PDZD7: variants seen among roughly 807,000 people sequenced by gnomAD.
The protein encoded by PDZD7 is PDZ domain containing 7.
PDZD7 carries 72 observed loss-of-function variants against 84.7 expected under a neutral mutation model. That is an observed-to-expected ratio of 0.85 (90% CI 0.70 to 1.03). PDZD7 has a LOEUF of 1.03. Among genes scored for constraint, PDZD7 ranks in the 50% least tolerant of loss-of-function variants. The pLI, the probability that PDZD7 is intolerant of heterozygous loss-of-function variation, is 0.00. For missense variants in PDZD7, 1,490 were observed against 1,412.9 expected, an observed-to-expected ratio of 1.05 and a Z score of -0.87; for synonymous variants, 594 against 580.7, an observed-to-expected ratio of 1.02 and a Z score of -0.33.
At chr10:101,010,128 C>G (rs1554890541) in intron 15 of PDZD7, 144 bp downstream of exon 15, 1 of 1,072,538 alleles carries the variant, frequency 9.3e-7, no homozygotes, top group Non-Finnish European at 1.3e-6. Context: ...CTCCTGACCT[C>G]AAGTGATCCG....
chr10:101,009,277 C>A lies in PDZD7; in HGVS notation c.2691G>T (p.Gly897=), dbSNP rs552903376. ...MVKIEKIFPG[G]AAFLSGALQA... ...GCAGGGCCCCACTGAGGAAAGCGGC[C>A]CCCCCAGGGAAGATCTTCTCTATCT... Residue 897 remains glycine, a synonymous_variant, in exon 16 of 17, where the codon GGG becomes GGT. Coordinates refer to ENST00000619208, the MANE Select transcript of PDZD7 (RefSeq NM_001195263.2). 1.3e-6 allele frequency: 2 copies of A among 1,535,906 alleles called. No individual in the cohort carries two copies. The highest frequency in any genetic ancestry group is 1.7e-6 in the Non-Finnish European group (2 of 1,146,778).
In PDZD7 at chr10:101,017,838, G is replaced by GGAAAGAAAGAAAGAAAGAAA. The variant is rs1202852543; in HGVS notation, c.1522+241_1522+260dup. Reference sequence around the variant, plus strand: ...GAAAGGAAAGAAAGGAAGGAAGGAAGGAAAGAAAGAAAGAAAGAAAGAAAG... The same window carrying GGAAAGAAAGAAAGAAAGAAA: ...GAAAGGAAAGAAAGGAAGGAAGGAAGGAAAGAAAGAAAGAAAGAAAGAAAGAAAGAAAGAAAGAAAGAAAG... On this transcript the variant is annotated intron_variant, in intron 9 of 16. Transcript: ENST00000619208. 2.3e-3 allele frequency: 395 copies of GGAAAGAAAGAAAGAAAGAAA among 169,360 alleles called. 4 individuals carry two copies. The highest frequency in any genetic ancestry group is 5.6e-3 in the Admixed American group (54 of 9,582). The allele number at this position is 169,360 out of a possible 1,614,324, so 10.5% of individuals were successfully genotyped here.
At chr10:101,010,958 GGCCTGTGAGA>G in intron 14 of PDZD7, 75 bp from the exon 15 acceptor site, 1 of 1,529,260 alleles carries the variant, frequency 6.5e-7, no homozygotes, top group Non-Finnish European at 8.7e-7. Flanking sequence ...GTTTGTGTGG[GGCCTGTGAGA>G]GCCAGGCCCG....
chr10:101,022,336 G>A lies in PDZD7; in HGVS notation c.592C>T (p.Pro198Ser), dbSNP rs756550515. The A allele has an allele frequency of 1.8e-5, 29 of 1,614,148 alleles. 2 individuals are homozygous for A. In the Middle Eastern group the frequency reaches 2.8e-3, roughly 156 times the overall value. ...RLVVEKCGSTPSDTSSEDGVR... is the reference protein window; with the variant it reads ...RLVVEKCGSTSSDTSSEDGVR... ...CCATCTTCTGAGCTGGTGTCGGAGG[G>A]TGTTGAACCGCACTTCTCCACTACC... is the stretch of plus-strand genomic sequence containing the variant. Residue 198 changes from proline (P) to serine (S), a missense_variant, in exon 5 of 17, where the codon CCC becomes TCC. By Grantham distance (74) the Pro-to-Ser change is moderately conservative. Transcript: ENST00000619208.
chr10:101,011,129 C>T, intron 14 of PDZD7: 1 of 1,220,288 alleles, frequency 8.2e-7, no homozygotes, highest in Non-Finnish European at 1.1e-6. Flanking sequence ...CAACCTCCAC[C>T]TCCCAGGTTC....
In PDZD7 at chr10:101,019,918, G is replaced by A. The variant is rs562484597; in HGVS notation, c.928+700C>T. Reference sequence around the variant, plus strand: ...TGGGATTATAGGCATAAGCCACCGCGCCAGGCTTTTTTTTTTTTTTGAGAC... The same window carrying A: ...TGGGATTATAGGCATAAGCCACCGCACCAGGCTTTTTTTTTTTTTTGAGAC... On this transcript the variant is annotated intron_variant, in intron 7 of 16. Coordinates refer to ENST00000619208, the MANE Select transcript of PDZD7 (RefSeq NM_001195263.2). 1.6e-3 allele frequency among the ~76,000 whole-genome samples: 234 copies of A among 147,962 alleles called. 2 individuals are homozygous for A. The highest frequency in any genetic ancestry group is 2.5e-3 in the African/African-American group (99 of 40,356).
chr10:101,023,995 G>A lies in PDZD7; in HGVS notation c.300C>T (p.Ser100=), dbSNP rs989994284. ...EKSPAGRLGF[S]VRGGSEHGLG... ...GGCCATGCTCTGAGCCCCCGCGCAC[G>A]CTGAAGCCCAGCCTCCCTGCTGGAC... is the stretch of plus-strand genomic sequence containing the variant. Residue 100 remains serine, a synonymous_variant, in exon 3 of 17, where the codon AGC becomes AGT. Transcript: ENST00000619208. 6 of 1,614,130 alleles carry A rather than the reference G, an allele frequency of 3.7e-6. No homozygotes were observed. Among genetic ancestry groups the A allele is most frequent in the Admixed American group, 1.7e-5 (1 of 60,016 alleles).
At chr10:101,025,139 A>G (rs1937619373) in intron 2 of PDZD7, among the ~76,000 whole-genome samples, 1 of 152,218 alleles carries the variant, frequency 6.6e-6, no homozygotes. Context: ...ACACAGTGGA[A>G]TTAGACAGAG....
At chr10:101,010,044 C>G (rs191967894) in intron 15 of PDZD7, among the ~76,000 whole-genome samples, 1 of 152,170 alleles carries the variant, frequency 6.6e-6, no homozygotes, top group Non-Finnish European at 1.5e-5. Context: ...AGGCGCCCAC[C>G]ACCACACACG....
At chr10:101,017,793 A>C in intron 9 of PDZD7, 1 of 488,828 alleles carries the variant, frequency 2.0e-6, no homozygotes, top group Non-Finnish European at 3.6e-6. Flanking sequence ...TCTCAAAAAA[A>C]AAAAAGAAAG....
At position 101,023,932 on chromosome 10, in the gene PDZD7, A is replaced by G. The variant is rs557126080; in HGVS notation, c.363T>C (p.Ser121=). Residue 121 remains serine, a synonymous_variant, in exon 3 of 17, where the codon AGT becomes AGC. Transcript: ENST00000619208. Reference sequence around the variant, plus strand: ...CAGCCTGGGGGTTCTGCTTACCTGCACTGCTGCCTTCCTCCACTTTGCTGA... The same window carrying G: ...CAGCCTGGGGGTTCTGCTTACCTGCGCTGCTGCCTTCCTCCACTTTGCTGA... The part of the protein sequence containing the change: ...IFVSKVEEGS[S]AERAGLCVGD... The G allele has an allele frequency of 8.1e-6, 13 of 1,614,220 alleles. No homozygotes were observed. Among genetic ancestry groups the G allele is most frequent in the Non-Finnish European group, 1.1e-5 (13 of 1,180,020 alleles).
In PDZD7 at chr10:101,031,092, C is replaced by A. The variant is rs1036964376; in HGVS notation, c.-185G>T. Reference sequence around the variant, plus strand: ...CCTCACCTGGTCGCTGGTGTGGCGCCGCCAGCCTTGTCAAACCACCCGCAG... The same window carrying A: ...CCTCACCTGGTCGCTGGTGTGGCGCAGCCAGCCTTGTCAAACCACCCGCAG... On this transcript the variant is annotated 5_prime_UTR_variant, in exon 1 of 17. Transcript: ENST00000619208. The A allele has an allele frequency of 3.9e-5, 6 of 152,344 alleles. No homozygotes were observed. Among genetic ancestry groups the A allele is most frequent in the African/African-American group, 1.2e-4 (5 of 41,458 alleles). The allele number at this position is 152,344 out of a possible 1,614,324, so 9.4% of individuals were successfully genotyped here. A position where few individuals can be genotyped will look rare whatever the true frequency, so the allele number is the denominator to read the frequency against.
At chr10:101,027,430 G>A (rs1422353818) in intron 2 of PDZD7, among the ~76,000 whole-genome samples, 1 of 152,168 alleles carries the variant, frequency 6.6e-6, no homozygotes, top group African/African-American at 2.4e-5. Flanking sequence ...TCTTGGAGAA[G>A]GCTTCCTGGA....
intron 9 of PDZD7, among the ~76,000 whole-genome samples, chr10:101,017,149 G>T (rs1852665803): frequency 1.3e-5 from 2 of 152,178 alleles, no homozygotes; most frequent in Non-Finnish European, 2.9e-5. Flanking sequence ...GCATGGCACA[G>T]GATCTCAGCT....
At chr10:101,022,162 C>T (rs752944613) in intron 5 of PDZD7, 47 bp downstream of exon 5, 3 of 1,611,208 alleles carry the variant, frequency 1.9e-6, no homozygotes, top group South Asian at 2.2e-5. Flanking sequence ...CCACTCCAGA[C>T]CCCATTCTCA....
chr10:101,025,227 CG>C (rs1937622191), intron 2 of PDZD7, among the ~76,000 whole-genome samples: 1 of 151,952 alleles, frequency 6.6e-6, no homozygotes, highest in Non-Finnish European at 1.5e-5. Flanking sequence ...TTTTTTCCCC[CG>C]AGACAAAGTC....
Position 101,023,918 on chromosome 10 carries a change from T to C in PDZD7, c.367+10A>G. 4 of 1,614,174 alleles carry C rather than the reference T, an allele frequency of 2.5e-6. No homozygotes were observed. Among genetic ancestry groups the C allele is most frequent in the South Asian group, 2.2e-5 (2 of 91,078 alleles). ...CTAAGCGTGGACTTCAGCCTGGGGGTTCTGCTTACCTGCACTGCTGCCTTC... is the reference window on the plus strand; with the variant it reads ...CTAAGCGTGGACTTCAGCCTGGGGGCTCTGCTTACCTGCACTGCTGCCTTC... On this transcript the variant is annotated intron_variant, in intron 3 of 16. Coordinates refer to ENST00000619208, the MANE Select transcript of PDZD7 (RefSeq NM_001195263.2).
At position 101,008,317 on chromosome 10, in the gene PDZD7, G is replaced by T; in HGVS notation, c.*150C>A. ...AGAGCCTTAATGACAGCTGAGGAGGGAAGAAAGTGGAAAGATGTGAGCCAC... is the reference window on the plus strand; with the variant it reads ...AGAGCCTTAATGACAGCTGAGGAGGTAAGAAAGTGGAAAGATGTGAGCCAC... On this transcript the variant is annotated 3_prime_UTR_variant, in exon 17 of 17. Transcript: ENST00000619208. The T allele has an allele frequency of 1.2e-6, 1 of 828,054 alleles. No homozygotes were observed. The highest frequency in any genetic ancestry group is 1.8e-6 in the Non-Finnish European group (1 of 546,112). 51.3% of individuals were successfully genotyped at this position (828,054 alleles called of 1,614,324 possible). A position where few individuals can be genotyped will look rare whatever the true frequency, so the allele number is the denominator to read the frequency against.
chr10:101,017,675 C>G, intron 9 of PDZD7: 1 of 691,506 alleles, frequency 1.4e-6, no homozygotes, highest in Non-Finnish European at 2.6e-6. Flanking sequence ...CATGCCAGCA[C>G]TTTGGGAGGC....
Sources: gnomAD v4.1 joint callset for allele counts (sites outside exome capture counted in the v4.1 genomes callset) on GRCh38, gnomAD v4.1.1 for gene constraint, MANE v1.5 for transcripts, NCBI Gene and HGNC (gene_info 2026-07-23, HGNC 2026-07-21) for gene names.